TECPR2: variants seen among roughly 807,000 people sequenced by gnomAD.
TECPR2 encodes the protein tectonin beta-propeller repeat containing 2.
TECPR2 carries 65 observed loss-of-function variants against 138.1 expected under a neutral mutation model. The ratio of observed to expected loss-of-function variants is 0.47; its 90% CI spans 0.39 to 0.58. The LOEUF (loss-of-function observed/expected upper bound fraction) is 0.58, where lower values mean the gene tolerates loss of function less well. Among genes scored for constraint, TECPR2 ranks in the 20% least tolerant of loss-of-function variants. TECPR2 has a pLI of 0.00. For synonymous variants in TECPR2, 746 were observed against 749.8 expected (o/e 0.99, Z 0.08); for missense variants, 1,553 against 1,824.5 (o/e 0.85, Z 2.71).
At chr14:102,465,009 A>G in intron 16 of TECPR2, 132 bp from the exon 17 acceptor site, 1 of 1,064,844 alleles carries the variant, frequency 9.4e-7, no homozygotes, top group Non-Finnish European at 1.4e-6. Context: ...CCGATGACTT[A>G]GTGTCCAAGT....
At chr14:102,469,649 C>A (rs1385063127) in intron 17 of TECPR2, among the ~76,000 whole-genome samples, 1 of 152,130 alleles carries the variant, frequency 6.6e-6, no homozygotes, top group African/African-American at 2.4e-5. Context: ...TGTTTCTGAT[C>A]TTAAGGGGAA....
intron 7 of TECPR2, among the ~76,000 whole-genome samples, chr14:102,429,312 C>G (rs1289669154): frequency 6.6e-6 from 1 of 152,108 alleles, no homozygotes; most frequent in East Asian, 1.9e-4. Flanking sequence ...TTTACTGATC[C>G]CTGCTCTCCG....
intron 17 of TECPR2, among the ~76,000 whole-genome samples, chr14:102,493,618 G>C (rs185120903): frequency 1.3e-5 from 2 of 152,312 alleles, no homozygotes; most frequent in African/African-American, 4.8e-5. Context: ...TCTGATCCCA[G>C]CACAGCTAGC....
intron 1 of TECPR2, among the ~76,000 whole-genome samples, chr14:102,364,475 G>A (rs1025934898): frequency 3.9e-5 from 6 of 152,156 alleles, no homozygotes; most frequent in African/African-American, 1.4e-4. Context: ...AAAGATCATG[G>A]TCTGGCCCAT....
intron 2 of TECPR2, among the ~76,000 whole-genome samples, chr14:102,382,886 A>C (rs766628897): frequency 1.3e-5 from 2 of 151,876 alleles, no homozygotes; most frequent in Non-Finnish European, 2.9e-5. Context: ...CCTCCCAAGT[A>C]GCTGGGATTA....
chr14:102,412,902 C>T (rs1405061994), intron 4 of TECPR2, among the ~76,000 whole-genome samples: 1 of 152,086 alleles, frequency 6.6e-6, no homozygotes, highest in East Asian at 1.9e-4. Flanking sequence ...TGAGACCAGT[C>T]TGGGCAACAT....
chr14:102,438,699 A>C (rs758046672), intron 10 of TECPR2, among the ~76,000 whole-genome samples: 1 of 152,128 alleles, frequency 6.6e-6, no homozygotes, highest in South Asian at 2.1e-4. Flanking sequence ...GTGGGTGAAC[A>C]GTCTACTCCC....
At chr14:102,424,650 C>T (rs1030560045) in intron 5 of TECPR2, among the ~76,000 whole-genome samples, 1 of 152,130 alleles carries the variant, frequency 6.6e-6, no homozygotes, top group African/African-American at 2.4e-5. Context: ...TTATGTGATG[C>T]GTGACTGTAT....
chr14:102,385,965 T>G lies in TECPR2; in HGVS notation c.219+9025T>G, dbSNP rs185838770. Among the ~76,000 whole-genome samples the G allele has an allele frequency of 3.3e-5, 5 of 152,094 alleles. 1 individual carries two copies. Among genetic ancestry groups the G allele is most frequent in the African/African-American group, 1.2e-4 (5 of 41,500 alleles). ...AAAAAAAAAATTTAGCTAGTTATCC[T>G]TTAAATGTATTTCACCCATACATGC... On this transcript the variant is annotated intron_variant, in intron 2 of 19. Coordinates refer to ENST00000359520, the MANE Select transcript of TECPR2 (RefSeq NM_014844.5).
Position 102,498,588 on chromosome 14 carries a change from C to T in TECPR2, c.*331C>T, listed in dbSNP as rs1567367089. 2 of 434,472 alleles carry T rather than the reference C, an allele frequency of 4.6e-6. No homozygotes were observed. Among genetic ancestry groups the T allele is most frequent in the Admixed American group, 3.5e-5 (1 of 28,444 alleles). 26.9% of individuals were successfully genotyped at this position (434,472 alleles called of 1,614,324 possible). A position where few individuals can be genotyped will look rare whatever the true frequency, so the allele number is the denominator to read the frequency against. On this transcript the variant is annotated 3_prime_UTR_variant, in exon 20 of 20. Transcript: ENST00000359520. ...AGCTTTTGTTGGTGGGAGTGGTCTC[C>T]GGAGGCCTCCCAGAACCAAGGGTAG...
chr14:102,440,882 A>G (rs1889809537), intron 11 of TECPR2, among the ~76,000 whole-genome samples: 1 of 152,208 alleles, frequency 6.6e-6, no homozygotes, highest in Admixed American at 6.5e-5. Context: ...CCTATGGCCA[A>G]CCACCGCATA....
At chr14:102,473,148 C>T (rs191209965) in intron 17 of TECPR2, among the ~76,000 whole-genome samples, 2 of 152,392 alleles carry the variant, frequency 1.3e-5, no homozygotes, top group Admixed American at 1.3e-4. Flanking sequence ...AGGTGTGTGA[C>T]ACCCGCCTCT....
At chr14:102,369,025 C>G (rs1407349961) in intron 1 of TECPR2, among the ~76,000 whole-genome samples, 2 of 152,070 alleles carry the variant, frequency 1.3e-5, no homozygotes, top group Non-Finnish European at 1.5e-5. Flanking sequence ...CCTGCTGGAG[C>G]CTAGCAAGGG....
intron 2 of TECPR2, among the ~76,000 whole-genome samples, chr14:102,388,555 G>A (rs1196206725): frequency 2.6e-5 from 4 of 152,156 alleles, no homozygotes; most frequent in Non-Finnish European, 5.9e-5. Context: ...TTGGCTGGGC[G>A]CAGTGGCTCA....
chr14:102,500,704 C>T lies in TECPR2; in HGVS notation c.*2447C>T, dbSNP rs1891419191. 1 of 152,234 alleles carries T rather than the reference C, an allele frequency of 6.6e-6. No homozygotes were observed. The highest frequency in any genetic ancestry group is 2.4e-5 in the African/African-American group (1 of 41,460). 9.4% of individuals were successfully genotyped at this position (152,234 alleles called of 1,614,324 possible). A position where few individuals can be genotyped will look rare whatever the true frequency, so the allele number is the denominator to read the frequency against. On this transcript the variant is annotated 3_prime_UTR_variant, in exon 20 of 20. Transcript: ENST00000359520. ...ATGTTCCACATTCCTGGATGGAGGA[C>T]TACACACATTATGGAAAGACCTCAT...
intron 2 of TECPR2, among the ~76,000 whole-genome samples, chr14:102,389,381 G>C (rs974443556): frequency 6.6e-6 from 1 of 152,122 alleles, no homozygotes; most frequent in African/African-American, 2.4e-5. Flanking sequence ...TGAAATTGTA[G>C]TGGGTGGAAT....
intron 2 of TECPR2, among the ~76,000 whole-genome samples, chr14:102,404,565 T>C (rs916555110): frequency 6.7e-6 from 1 of 149,670 alleles, no homozygotes; most frequent in East Asian, 2.0e-4. Flanking sequence ...AACCCTCTTA[T>C]ATAGTCAAGT....
At chr14:102,464,544 C>T (rs940508488) in intron 16 of TECPR2, among the ~76,000 whole-genome samples, 1 of 152,034 alleles carries the variant, frequency 6.6e-6, no homozygotes, top group Non-Finnish European at 1.5e-5. Flanking sequence ...GCCACCACAC[C>T]CAACTAATTT....
At chr14:102,422,491 A>G (rs1372335233) in intron 5 of TECPR2, among the ~76,000 whole-genome samples, 1 of 152,248 alleles carries the variant, frequency 6.6e-6, no homozygotes, top group Non-Finnish European at 1.5e-5. Context: ...GTAGAAATGA[A>G]TTAGTGCGAC....
Sources: gnomAD v4.1 joint callset for allele counts (sites outside exome capture counted in the v4.1 genomes callset) on GRCh38, gnomAD v4.1.1 for gene constraint, MANE v1.5 for transcripts, NCBI Gene and HGNC (gene_info 2026-07-23, HGNC 2026-07-21) for gene names.